Variants in ADK observed in about 807,000 individuals in gnomAD.
ADK encodes N6,N6-dimethyladenosine kinase.
In ADK, 24 loss-of-function variants were observed where a neutral mutation model predicts 44.7. That is an observed-to-expected ratio of 0.54 (90% CI 0.39 to 0.76). The LOEUF (loss-of-function observed/expected upper bound fraction) is 0.76. Ranked by LOEUF, ADK falls within the 30% of genes least tolerant of loss-of-function variation. The pLI is 0.00. For synonymous variants in ADK, 128 were observed against 142.6 expected, an observed-to-expected ratio of 0.90 and a Z score of 0.73; for missense variants, 321 against 425.1, an observed-to-expected ratio of 0.76 and a Z score of 2.15.
intron 6 of ADK, among the ~76,000 whole-genome samples, chr10:74,470,773 A>G (rs972554630): frequency 6.6e-6 from 1 of 151,674 alleles, no homozygotes; most frequent in Non-Finnish European, 1.5e-5. Context: ...GCTGTGCAAT[A>G]GTTTGTAAGT....
chr10:74,373,219 G>A (rs1842723252), intron 4 of ADK, among the ~76,000 whole-genome samples: 1 of 151,914 alleles, frequency 6.6e-6, no homozygotes, highest in East Asian at 1.9e-4. Flanking sequence ...ACCGTTAGAA[G>A]ACATAGGGAT....
At chr10:74,629,815 A>G (rs1472120888) in intron 9 of ADK, among the ~76,000 whole-genome samples, 2 of 152,204 alleles carry the variant, frequency 1.3e-5, no homozygotes, top group South Asian at 2.1e-4. Flanking sequence ...GATGCAAAAT[A>G]TAACTAGAAA....
At chr10:74,457,732 C>G (rs1284370265) in intron 6 of ADK, among the ~76,000 whole-genome samples, 1 of 152,122 alleles carries the variant, frequency 6.6e-6, no homozygotes, top group Non-Finnish European at 1.5e-5. Context: ...ATGGATAAAT[C>G]TGGAAACCAT....
At chr10:74,184,902 C>A (rs967267207) in intron 1 of ADK, among the ~76,000 whole-genome samples, 1 of 152,092 alleles carries the variant, frequency 6.6e-6, no homozygotes, top group Non-Finnish European at 1.5e-5. Flanking sequence ...ATTGGTCAGA[C>A]ATTTTTATTG....
chr10:74,224,603 A>T lies in ADK; in HGVS notation c.194+12A>T, dbSNP rs1156247248. 1 of 1,610,364 alleles carries T rather than the reference A, an allele frequency of 6.2e-7. No individual in the cohort carries two copies. Among genetic ancestry groups the T allele is most frequent in the African/African-American group, 1.3e-5 (1 of 74,844 alleles). ...AAACACAAGGAACTGTAAGTGCATT[A>T]AACCATTGGTTGTAAATAGTTTACT... is the stretch of plus-strand genomic sequence containing the variant. On this transcript the variant is annotated intron_variant, in intron 3 of 10. Transcript: ENST00000539909.
intron 1 of ADK, among the ~76,000 whole-genome samples, chr10:74,161,030 C>T (rs184368209): frequency 1.7e-4 from 26 of 152,272 alleles, no homozygotes; most frequent in African/African-American, 6.0e-4. Context: ...AATGGTTTCT[C>T]CTTTGACTGT....
intron 3 of ADK, among the ~76,000 whole-genome samples, chr10:74,282,586 T>G (rs963043997): frequency 9.8e-5 from 15 of 152,304 alleles, no homozygotes; most frequent in Admixed American, 7.2e-4. Flanking sequence ...AATAAGAAAT[T>G]GTTTTGTTGC....
chr10:74,492,971 T>C (rs534564559), intron 6 of ADK, among the ~76,000 whole-genome samples: 3 of 152,312 alleles, frequency 2.0e-5, no homozygotes, highest in African/African-American at 7.2e-5. Context: ...CATGTTCACA[T>C]GCTAGTTTTG....
intron 6 of ADK, among the ~76,000 whole-genome samples, chr10:74,485,791 A>C (rs960018081): frequency 6.6e-6 from 1 of 152,158 alleles, no homozygotes; most frequent in Admixed American, 6.6e-5. Context: ...ATGTAAATGG[A>C]GGTGTGTTTT....
At chr10:74,434,221 G>C (rs1263067941) in intron 6 of ADK, among the ~76,000 whole-genome samples, 1 of 152,130 alleles carries the variant, frequency 6.6e-6, no homozygotes, top group Admixed American at 6.5e-5. Context: ...GACAGAAAAG[G>C]ATGGTTATGA....
At chr10:74,429,485 T>C (rs1844907947) in intron 6 of ADK, among the ~76,000 whole-genome samples, 1 of 152,216 alleles carries the variant, frequency 6.6e-6, no homozygotes, top group Admixed American at 6.5e-5. Flanking sequence ...TTGCATATTC[T>C]TTAGTCAAGT....
intron 6 of ADK, among the ~76,000 whole-genome samples, chr10:74,412,664 A>G (rs200964544): frequency 6.6e-6 from 1 of 152,314 alleles, no homozygotes; most frequent in East Asian, 1.9e-4. Flanking sequence ...ATACGTCTCC[A>G]TCAGAGCCCT....
intron 6 of ADK, among the ~76,000 whole-genome samples, chr10:74,420,307 T>C (rs1269312784): frequency 1.3e-5 from 2 of 152,098 alleles, no homozygotes; most frequent in Non-Finnish European, 2.9e-5. Context: ...ATTTTTATTG[T>C]TTTTCTCTTA....
At chr10:74,328,757 C>T (rs774516797) in intron 4 of ADK, among the ~76,000 whole-genome samples, 1 of 152,140 alleles carries the variant, frequency 6.6e-6, no homozygotes, top group Non-Finnish European at 1.5e-5. Flanking sequence ...TTTCCAAGGC[C>T]TCCCCAGTCA....
chr10:74,553,812 G>T (rs533982043), intron 7 of ADK, among the ~76,000 whole-genome samples: 107 of 152,136 alleles, frequency 7.0e-4, no homozygotes, highest in Middle Eastern at 3.4e-3. Context: ...TATTTTATGT[G>T]ATCATACCTC....
intron 6 of ADK, among the ~76,000 whole-genome samples, chr10:74,481,169 T>A (rs1208346563): frequency 6.6e-6 from 1 of 152,202 alleles, no homozygotes; most frequent in Non-Finnish European, 1.5e-5. Context: ...GTTGAAGACA[T>A]GGTCATATAT....
chr10:74,367,597 G>C (rs192597208), intron 4 of ADK, among the ~76,000 whole-genome samples: 3 of 152,048 alleles, frequency 2.0e-5, no homozygotes, highest in Non-Finnish European at 4.4e-5. Context: ...ACCAGTACTC[G>C]GTGCTTTTGC....
intron 10 of ADK, among the ~76,000 whole-genome samples, chr10:74,670,734 AG>A (rs1268192507): frequency 2.6e-5 from 4 of 152,194 alleles, no homozygotes; most frequent in African/African-American, 9.6e-5. Flanking sequence ...TATACTAAAA[AG>A]GGTTAAATTT....
intron 3 of ADK, among the ~76,000 whole-genome samples, chr10:74,244,589 A>G (rs1394843691): frequency 6.6e-6 from 1 of 152,212 alleles, no homozygotes; most frequent in African/African-American, 2.4e-5. Flanking sequence ...TGCATGAAAA[A>G]TGAAATTATT....
Sources: allele counts gnomAD v4.1 joint callset (sites outside exome capture counted in the v4.1 genomes callset), GRCh38; gene constraint gnomAD v4.1.1; transcripts MANE v1.5; gene names NCBI Gene and HGNC (gene_info 2026-07-23, HGNC 2026-07-21).